Variants in ADCY2 observed in about 807,000 individuals in gnomAD.
ADCY2 encodes adenylate cyclase 2, also known as adenylate cyclase type 2.
Under a neutral mutation model 125.2 loss-of-function variants are expected in ADCY2, and 31 were observed. The ratio of observed to expected loss-of-function variants is 0.25; its 90% CI spans 0.19 to 0.33. ADCY2 has a LOEUF of 0.33. Ranked by LOEUF, ADCY2 falls within the 10% of genes least tolerant of loss-of-function variation. The pLI, the probability that ADCY2 is intolerant of heterozygous loss-of-function variation, is 1.00. For missense variants in ADCY2, 904 were observed against 1,418.2 expected, an observed-to-expected ratio of 0.64 and a Z score of 5.82; for synonymous variants, 512 against 548.4, an observed-to-expected ratio of 0.93 and a Z score of 0.93.
chr5:7,594,333 G>A (rs1308277287), intron 3 of ADCY2, among the ~76,000 whole-genome samples: 2 of 152,202 alleles, frequency 1.3e-5, no homozygotes, highest in African/African-American at 2.4e-5. Flanking sequence ...CTAATCTGAT[G>A]TGGAGAATGA....
rs1296273812 is a variant in ADCY2, at chr5:7,724,574, G to T, written c.1733G>T (p.Arg578Ile). ...TGGCTCAAGTCTGAAGACATTCAGA[G>T]AATCTCACTGCTTTTCTATAACAAA... ...KQWLKSEDIQ[R>I]ISLLFYNKVL... is the part of the protein sequence containing the mutation. Residue 578 changes from arginine to isoleucine, a missense_variant, in exon 13 of 25, where the codon AGA becomes ATA. Arg to Ile is a moderately conservative substitution (Grantham distance 97). This residue lies in a region of ADCY2 where 144 missense variants were observed against 227.7 expected (regional missense o/e 0.63). Coordinates refer to ENST00000338316, the MANE Select transcript of ADCY2 (RefSeq NM_020546.3). 6.2e-7 allele frequency: 1 copy of T among 1,602,104 alleles called. No individual in the cohort carries two copies.
chr5:7,483,910 G>A (rs1323048039), intron 2 of ADCY2, among the ~76,000 whole-genome samples: 1 of 152,098 alleles, frequency 6.6e-6, no homozygotes, highest in Non-Finnish European at 1.5e-5. Context: ...AGTATTATTT[G>A]CTTGCATATT....
chr5:7,468,420 A>G (rs1742207913), intron 2 of ADCY2, among the ~76,000 whole-genome samples: 1 of 152,206 alleles, frequency 6.6e-6, no homozygotes, highest in Non-Finnish European at 1.5e-5. Flanking sequence ...GCATTCTTAA[A>G]TAATTTGGGC....
intron 18 of ADCY2, among the ~76,000 whole-genome samples, chr5:7,780,841 A>G (rs1743900212): frequency 6.6e-6 from 1 of 152,182 alleles, no homozygotes; most frequent in Non-Finnish European, 1.5e-5. Flanking sequence ...TCACTAAGCA[A>G]TTCCTCCATC....
At chr5:7,460,464 A>G (rs538054721) in intron 2 of ADCY2, among the ~76,000 whole-genome samples, 1 of 152,046 alleles carries the variant, frequency 6.6e-6, no homozygotes, top group Admixed American at 6.6e-5. Context: ...TGTTTTTAAA[A>G]TTTTTTTCAC....
Position 7,703,922 on chromosome 5 carries a change from A to G in ADCY2, c.1110-2822A>G, listed in dbSNP as rs28470377. Among the ~76,000 whole-genome samples, 773 of 151,816 alleles carry G rather than the reference A, an allele frequency of 5.1e-3. 7 individuals are homozygous for G. Among genetic ancestry groups the G allele is most frequent in the African/African-American group, 0.018 (741 of 41,194 alleles). On this transcript the variant is annotated intron_variant, in intron 7 of 24. Transcript: ENST00000338316. ...GAGGCTGAGGCAGGAGAATCACTTG[A>G]ACCCAGGAGATGGAAGTTGCAGTGA...
chr5:7,457,311 T>C (rs1430491526), intron 2 of ADCY2, among the ~76,000 whole-genome samples: 3 of 152,154 alleles, frequency 2.0e-5, no homozygotes, highest in Admixed American at 6.5e-5. Context: ...TCCCAGGTGA[T>C]TCCTCTGGCC....
At chr5:7,416,525 A>G (rs932849490) in intron 2 of ADCY2, among the ~76,000 whole-genome samples, 60 of 152,204 alleles carry the variant, frequency 3.9e-4, no homozygotes, top group African/African-American at 1.4e-3. Context: ...CTACATAACA[A>G]TAAGGTAAAC....
intron 1 of ADCY2, among the ~76,000 whole-genome samples, chr5:7,411,496 C>T (rs978372546): frequency 1.3e-5 from 2 of 152,116 alleles, no homozygotes; most frequent in Non-Finnish European, 2.9e-5. Flanking sequence ...ATCTTTGACC[C>T]TAAGAGTTTG....
chr5:7,784,761 C>T (rs1175661006), intron 19 of ADCY2, among the ~76,000 whole-genome samples: 1 of 149,172 alleles, frequency 6.7e-6, no homozygotes, highest in Non-Finnish European at 1.5e-5. Context: ...CCTTCAATAA[C>T]TGACACTATT....
At chr5:7,581,829 AAAAAAAG>A (rs1167709010) in intron 3 of ADCY2, among the ~76,000 whole-genome samples, 1 of 151,914 alleles carries the variant, frequency 6.6e-6, no homozygotes. Flanking sequence ...CAAAAAAAAA[AAAAAAAG>A]AAAAAGAAAA....
Position 7,580,473 on chromosome 5 carries a change from A to G in ADCY2, c.571-45694A>G, listed in dbSNP as rs531308765. Among the ~76,000 whole-genome samples, 9 of 152,294 alleles carry G rather than the reference A, an allele frequency of 5.9e-5. No homozygotes were observed. The South Asian group carries it at 1.9e-3, about 32-fold the overall frequency. On this transcript the variant is annotated intron_variant, in intron 3 of 24. Coordinates refer to ENST00000338316, the MANE Select transcript of ADCY2 (RefSeq NM_020546.3). The stretch of plus-strand genomic sequence containing the variant: ...TAATATATTAATGAGTGAGATTAAC[A>G]ACATATTGGAGATGACAGAAGAATA...
chr5:7,649,961 A>G (rs968912347), intron 4 of ADCY2, among the ~76,000 whole-genome samples: 2 of 151,958 alleles, frequency 1.3e-5, no homozygotes, highest in African/African-American at 2.4e-5. Flanking sequence ...AGATGGCCCC[A>G]GTTCTACCTT....
At chr5:7,626,361 T>G in intron 4 of ADCY2, 45 bp downstream of exon 4, 1 of 1,593,516 alleles carries the variant, frequency 6.3e-7, no homozygotes, top group East Asian at 2.2e-5. Context: ...TAGTCATTAT[T>G]AAAATGATGC....
chr5:7,486,264 T>C (rs570540317), intron 2 of ADCY2, among the ~76,000 whole-genome samples: 1 of 152,314 alleles, frequency 6.6e-6, no homozygotes, highest in African/African-American at 2.4e-5. Flanking sequence ...TGATACACAG[T>C]TGTGAATGGG....
At chr5:7,645,461 A>G (rs1738862817) in intron 4 of ADCY2, among the ~76,000 whole-genome samples, 2 of 152,218 alleles carry the variant, frequency 1.3e-5, no homozygotes, top group South Asian at 4.1e-4. Context: ...AGAAAGAGAC[A>G]CTGAAGAGCA....
At chr5:7,610,398 G>A (rs1366992309) in intron 3 of ADCY2, among the ~76,000 whole-genome samples, 1 of 152,144 alleles carries the variant, frequency 6.6e-6, no homozygotes, top group Admixed American at 6.5e-5. Flanking sequence ...TGCTGAGAGA[G>A]CCACTCAGGA....
Position 7,570,927 on chromosome 5 carries a change from G to A in ADCY2, c.570+50028G>A, listed in dbSNP as rs1736047034. Among the ~76,000 whole-genome samples the A allele has an allele frequency of 1.3e-5, 2 of 152,150 alleles. 1 individual carries two copies. Among genetic ancestry groups the A allele is most frequent in the South Asian group, 4.1e-4 (2 of 4,830 alleles). ...TATGAAACCCTAGGCCTTCAGGTTT[G>A]CAAGGTTTAGAAACACTCTCCTTGT... On this transcript the variant is annotated intron_variant, in intron 3 of 24. Transcript: ENST00000338316.
intron 3 of ADCY2, among the ~76,000 whole-genome samples, chr5:7,581,409 A>G (rs946625747): frequency 6.6e-6 from 1 of 152,162 alleles, no homozygotes; most frequent in Non-Finnish European, 1.5e-5. Flanking sequence ...TTAATTCTAA[A>G]TCAACTTTAA....
Sources: allele counts gnomAD v4.1 joint callset (sites outside exome capture counted in the v4.1 genomes callset), GRCh38; gene constraint gnomAD v4.1.1; regional missense constraint gnomAD v4.1.1; transcripts MANE v1.5; gene names NCBI Gene and HGNC (gene_info 2026-07-23, HGNC 2026-07-21).